Variants in FYB2 observed in about 807,000 individuals in gnomAD.
FYB2 encodes the protein FYN-binding protein 2.
Under a neutral mutation model 94.1 loss-of-function variants are expected in FYB2, and 103 were observed. That is an observed-to-expected ratio of 1.09 (90% CI 0.93 to 1.29). FYB2 has a LOEUF of 1.29. Ranked by LOEUF, FYB2 falls within the 50% of genes most tolerant of loss-of-function variation. The probability of loss-of-function intolerance (pLI) is 0.00; values close to 1 mark genes in which losing one functional copy is unlikely to be tolerated. For missense variants in FYB2, 896 were observed against 841.5 expected, an observed-to-expected ratio of 1.06 and a Z score of -0.80; for synonymous variants, 293 against 287.9, an observed-to-expected ratio of 1.02 and a Z score of -0.18.
intron 9 of FYB2, among the ~76,000 whole-genome samples, chr1:56,750,118 C>T (rs1015193584): frequency 1.3e-5 from 2 of 151,872 alleles, no homozygotes; most frequent in East Asian, 1.9e-4. Context: ...TTTCAAGGTG[C>T]CTACGGCGTG....
At chr1:56,729,502 T>A (rs1302758861) in intron 15 of FYB2, among the ~76,000 whole-genome samples, 2 of 152,096 alleles carry the variant, frequency 1.3e-5, no homozygotes, top group Non-Finnish European at 2.9e-5. Flanking sequence ...GACCCAACAC[T>A]GGAGCACCCA....
At chr1:56,738,425 T>G (rs1644877834) in intron 14 of FYB2, among the ~76,000 whole-genome samples, 200 bp downstream of exon 14, 1 of 152,148 alleles carries the variant, frequency 6.6e-6, no homozygotes, top group South Asian at 2.1e-4. Flanking sequence ...CAGGGCATGG[T>G]ATGTAGTAGG....
intron 1 of FYB2, among the ~76,000 whole-genome samples, chr1:56,813,894 G>A (rs1646822859): frequency 6.6e-6 from 1 of 152,152 alleles, no homozygotes; most frequent in Non-Finnish European, 1.5e-5. Context: ...AGTAAACAGT[G>A]GAGCCAGAAA....
At chr1:56,741,137 C>A (rs1032034706) in intron 12 of FYB2, among the ~76,000 whole-genome samples, 1 of 151,992 alleles carries the variant, frequency 6.6e-6, no homozygotes, top group Non-Finnish European at 1.5e-5. Flanking sequence ...GAACCAGAGG[C>A]TTTGTTTTCA....
rs1026583931 is a variant in FYB2, at chr1:56,740,740, C to T, written c.1660G>A (p.Asp554Asn). ...TTGGTTTTCTTTATTTTAAATCTAT[C>T]CTTTTCTTTCTTGAAGAATTGCTGC... is the stretch of plus-strand genomic sequence containing the variant. ...RLQQFFKKEKDRFKIKKTKSK... is the reference protein window; with the variant it reads ...RLQQFFKKEKNRFKIKKTKSK... The change falls in exon 13 of 20, where the codon GAT (aspartate) becomes AAT (asparagine). Residue 554 changes from aspartate (D) to asparagine (N), a missense_variant. Physicochemically the swap from Asp to Asn is conservative, Grantham distance 23. Coordinates refer to ENST00000343433, the MANE Select transcript of FYB2 (RefSeq NM_001004303.5). 3 of 1,608,010 alleles carry T rather than the reference C, an allele frequency of 1.9e-6. No homozygotes were observed. The highest frequency in any genetic ancestry group is 2.7e-5 in the African/African-American group (2 of 74,530).
At chr1:56,821,964 A>T (rs752804239), upstream of FYB2, among the ~76,000 whole-genome samples, 1 of 152,206 alleles carries the variant, frequency 6.6e-6, no homozygotes, top group Non-Finnish European at 1.5e-5. Context: ...AAATATTTCA[A>T]TTCAGTAAAG....
intron 1 of FYB2, among the ~76,000 whole-genome samples, chr1:56,797,276 C>A (rs1646422032): frequency 6.6e-6 from 1 of 152,108 alleles, no homozygotes; most frequent in Admixed American, 6.6e-5. Flanking sequence ...AAAGGAGAGG[C>A]CAAGTCTTAA....
intron 4 of FYB2, among the ~76,000 whole-genome samples, chr1:56,777,724 A>C (rs1445156410): frequency 6.6e-6 from 1 of 152,094 alleles, no homozygotes; most frequent in African/African-American, 2.4e-5. Flanking sequence ...TGAACACATG[A>C]GGCTGTTTCC....
At chr1:56,816,863 C>CTTTTTT (rs11415687) in intron 1 of FYB2, among the ~76,000 whole-genome samples, 1 of 140,164 alleles carries the variant, frequency 7.1e-6, no homozygotes. Context: ...CAACAATTTT[C>CTTTTTT]TTTTTTTTTT....
chr1:56,753,760 T>C, intron 8 of FYB2, 79 bp downstream of exon 8: 3 of 910,754 alleles, frequency 3.3e-6, no homozygotes, highest in Non-Finnish European at 5.3e-6. Flanking sequence ...TCTGAAGAGC[T>C]CTCTCAGGCC....
intron 4 of FYB2, among the ~76,000 whole-genome samples, chr1:56,784,701 G>T (rs1376175958): frequency 2.0e-5 from 3 of 151,870 alleles, no homozygotes; most frequent in Non-Finnish European, 4.4e-5. Flanking sequence ...CAACCTCCTT[G>T]CTTTCAAACA....
the FYB2 span, among the ~76,000 whole-genome samples, chr1:56,825,644 A>G: frequency 6.6e-6 from 1 of 152,180 alleles, no homozygotes. Flanking sequence ...CATGAAAAAA[A>G]TAGGGAATAC....
intron 4 of FYB2, among the ~76,000 whole-genome samples, chr1:56,776,397 TG>T (rs1645876931): frequency 6.6e-6 from 1 of 152,162 alleles, no homozygotes; most frequent in African/African-American, 2.4e-5. Flanking sequence ...GTGGAACCAG[TG>T]GATCAGGGTG....
At chr1:56,742,076 G>T (rs1390834057) in intron 12 of FYB2, 85 bp downstream of exon 12, 15 of 1,196,006 alleles carry the variant, frequency 1.3e-5, no homozygotes, top group Non-Finnish European at 1.7e-5. Context: ...CTGGGGGGCG[G>T]ATGGTGGGTC....
chr1:56,795,286 C>A (rs918001586), intron 1 of FYB2, among the ~76,000 whole-genome samples: 6 of 151,736 alleles, frequency 4.0e-5, no homozygotes, highest in Admixed American at 6.6e-5. Context: ...AAGGTTTAGC[C>A]ATGTTGAAGC....
At chr1:56,773,779 C>T (rs1479717040) in intron 4 of FYB2, among the ~76,000 whole-genome samples, 1 of 152,146 alleles carries the variant, frequency 6.6e-6, no homozygotes, top group Non-Finnish European at 1.5e-5. Flanking sequence ...GTTTCTTCCA[C>T]TTAATATTTC....
intron 15 of FYB2, among the ~76,000 whole-genome samples, chr1:56,733,208 G>C (rs1461228722): frequency 2.0e-5 from 3 of 152,028 alleles, no homozygotes; most frequent in Non-Finnish European, 4.4e-5. Flanking sequence ...ATGACCAATA[G>C]TTTATTTGGG....
rs765913589 is a variant in FYB2 at position 56,726,517 on chromosome 1, GTT to G, written c.1858_1859del (p.Asn620ArgfsTer3). 4 of 1,611,418 alleles carry G rather than the reference GTT, an allele frequency of 2.5e-6. No individual in the cohort carries two copies. Among genetic ancestry groups the G allele is most frequent in the Non-Finnish European group, 3.4e-6 (4 of 1,178,570 alleles). ...FLTPKEKKEK[N>X]GAEESESFSP... Reference sequence around the variant, plus strand: ...CCCACCTTTCTGATTCTTCAGCACCGTTTTTCTCTTTTTTTTCCTTTGGTGTC... The same window carrying G: ...CCCACCTTTCTGATTCTTCAGCACCGTTTCTCTTTTTTTTCCTTTGGTGTC... On this transcript the variant is annotated frameshift_variant, in exon 16 of 20. Transcript: ENST00000343433. LOFTEE classifies it high-confidence loss of function.
chr1:56,772,809 G>T (rs183282538), intron 4 of FYB2, among the ~76,000 whole-genome samples: 1 of 152,224 alleles, frequency 6.6e-6, no homozygotes, highest in East Asian at 1.9e-4. Context: ...TGAAATATTT[G>T]CCCTCTGCAC....
Sources: gnomAD v4.1 joint callset for allele counts (sites outside exome capture counted in the v4.1 genomes callset) on GRCh38, gnomAD v4.1.1 for gene constraint, MANE v1.5 for transcripts, NCBI Gene and HGNC (gene_info 2026-07-23, HGNC 2026-07-21) for gene names.